Variants in SSH2 observed in about 807,000 individuals in gnomAD.
SSH2 encodes the protein slingshot protein phosphatase 2, also known as protein phosphatase Slingshot homolog 2.
In SSH2, 37 loss-of-function variants were observed where a neutral mutation model predicts 135.2. The observed-to-expected ratio is 0.27, with a 90% confidence interval of 0.21 to 0.36. SSH2 has a LOEUF of 0.36. Ranked by LOEUF, SSH2 falls within the 10% of genes least tolerant of loss-of-function variation. The pLI, the probability that SSH2 is intolerant of heterozygous loss-of-function variation, is 1.00. For missense variants in SSH2, 1,408 were observed against 1,765.3 expected, an observed-to-expected ratio of 0.80 and a Z score of 3.63; for synonymous variants, 628 against 646.2, an observed-to-expected ratio of 0.97 and a Z score of 0.43.
chr17:29,642,617 A>C (rs2036210659), intron 14 of SSH2, among the ~76,000 whole-genome samples: 1 of 151,756 alleles, frequency 6.6e-6, no homozygotes, highest in Admixed American at 6.6e-5. Flanking sequence ...CTATAAAAAC[A>C]GAAAAAATAA....
At chr17:29,735,260 A>G (rs889928764) in intron 3 of SSH2, among the ~76,000 whole-genome samples, 2 of 152,154 alleles carry the variant, frequency 1.3e-5, no homozygotes, top group African/African-American at 2.4e-5. Context: ...ACTACCCCTC[A>G]CTTTTTAATA....
At chr17:29,878,403 G>C (rs960250360) in intron 1 of SSH2, among the ~76,000 whole-genome samples, 2 of 152,072 alleles carry the variant, frequency 1.3e-5, no homozygotes, top group Admixed American at 1.3e-4. Context: ...CTCCAGCCTG[G>C]GTAACAGGAG....
rs573222111 is a variant in SSH2 at position 29,805,043 on chromosome 17, G to T, written c.145-11106C>A. 2.0e-3 allele frequency among the ~76,000 whole-genome samples: 303 copies of T among 151,598 alleles called. 4 individuals are homozygous for T. The South Asian group carries it at 0.025, about 12-fold the overall frequency. The stretch of plus-strand genomic sequence containing the variant: ...GTTCTGAACCTGTCACATCTGACAG[G>T]CATGCAATATGGAAACTTCACAAGT... On this transcript the variant is annotated intron_variant, in intron 2 of 15. Coordinates refer to ENST00000540801, the MANE Select transcript of SSH2 (RefSeq NM_001282129.2).
chr17:29,877,926 A>G (rs2066064959), intron 1 of SSH2, among the ~76,000 whole-genome samples: 1 of 152,000 alleles, frequency 6.6e-6, no homozygotes, highest in African/African-American at 2.4e-5. Flanking sequence ...CTACAAAAAA[A>G]ATTAAAAAAT....
At chr17:29,860,707 C>T (rs1457617861) in intron 1 of SSH2, among the ~76,000 whole-genome samples, 2 of 151,334 alleles carry the variant, frequency 1.3e-5, no homozygotes, top group Non-Finnish European at 2.9e-5. Context: ...GCTGGGATTA[C>T]AGGCATGAGC....
At chr17:29,706,946 G>A (rs1044333761) in intron 3 of SSH2, 2 of 152,198 alleles carry the variant, frequency 1.3e-5, no homozygotes, top group Non-Finnish European at 2.9e-5. Flanking sequence ...GAGGTCAGGA[G>A]ATCGAGACCA....
chr17:29,828,225 C>T (rs551806031), intron 2 of SSH2, among the ~76,000 whole-genome samples: 1 of 152,338 alleles, frequency 6.6e-6, no homozygotes, highest in African/African-American at 2.4e-5. Context: ...ATTGACTACA[C>T]AAGAAACTTT....
intron 3 of SSH2, among the ~76,000 whole-genome samples, chr17:29,709,015 TAGAGAGAG>T (rs58190730): frequency 1.1e-3 from 88 of 81,586 alleles, no homozygotes; most frequent in African/African-American, 1.6e-3. Context: ...TATATATATA[TAGAGAGAG>T]AGAGAGAGAG....
intron 9 of SSH2, among the ~76,000 whole-genome samples, chr17:29,668,026 A>C (rs1193092185): frequency 6.6e-6 from 1 of 152,254 alleles, no homozygotes; most frequent in Non-Finnish European, 1.5e-5. Flanking sequence ...CAGATTATGC[A>C]GAATTTGAAT....
intron 3 of SSH2, among the ~76,000 whole-genome samples, chr17:29,704,602 G>T (rs761944505): frequency 6.0e-5 from 9 of 151,246 alleles, no homozygotes; most frequent in Non-Finnish European, 1.3e-4. Flanking sequence ...ATTCAGGAGG[G>T]TGAGGTGGGA....
chr17:29,673,895 C>T, intron 8 of SSH2: 2 of 327,996 alleles, frequency 6.1e-6, no homozygotes, highest in Non-Finnish European at 1.2e-5. Context: ...TATAGATGTA[C>T]CATAATTTAC....
At chr17:29,643,394 G>T in intron 14 of SSH2, 1 of 382,498 alleles carries the variant, frequency 2.6e-6, no homozygotes, top group Non-Finnish European at 3.6e-6. Flanking sequence ...CCTAGATCCA[G>T]AGGATAAATG....
intron 2 of SSH2, among the ~76,000 whole-genome samples, chr17:29,801,601 C>T (rs1054255316): frequency 6.6e-6 from 1 of 152,192 alleles, no homozygotes; most frequent in East Asian, 1.9e-4. Context: ...CCAAACCTAA[C>T]GGTTGCTGTG....
intron 13 of SSH2, 24 bp from the exon 14 acceptor site, chr17:29,648,368 G>C (rs752401742): frequency 6.4e-7 from 1 of 1,570,498 alleles, no homozygotes; most frequent in Non-Finnish European, 8.7e-7. Flanking sequence ...TTGAGGTAAA[G>C]AATAGAGGAA....
At position 29,631,241 on chromosome 17, in the gene SSH2, G is replaced by C. The variant is rs747716840; in HGVS notation, c.3953C>G (p.Pro1318Arg). 6 of 1,613,958 alleles carry C rather than the reference G, an allele frequency of 3.7e-6. No individual in the cohort carries two copies. The South Asian group carries it at 5.5e-5, about 15-fold the overall frequency. The part of the protein sequence containing the change: ...CESPHLKLLQ[P>R]FLRTDSGMHA... ...CATGCCTGAGTCTGTTCTGAGGAAA[G>C]GCTGAAGCAGTTTGAGATGAGGGGA... Residue 1318 changes from proline to arginine, a missense_variant, in exon 16 of 16, where the codon CCT (proline) becomes CGT (arginine). By Grantham distance (103) the Pro-to-Arg change is moderately radical. Around this residue, in one of 3 missense-constraint regions of SSH2, gnomAD observed 1,080 missense variants for 1,144.5 expected, o/e 0.94. Transcript: ENST00000540801.
At chr17:29,703,378 A>T (rs1373728008) in intron 3 of SSH2, among the ~76,000 whole-genome samples, 1 of 150,630 alleles carries the variant, frequency 6.6e-6, no homozygotes, top group Non-Finnish European at 1.5e-5. Context: ...CCTCCCGAGT[A>T]GGCTGGGATT....
intron 2 of SSH2, among the ~76,000 whole-genome samples, chr17:29,823,700 G>A (rs1294792730): frequency 6.6e-6 from 1 of 151,974 alleles, no homozygotes; most frequent in Non-Finnish European, 1.5e-5. Flanking sequence ...CCAACATGGC[G>A]AAACCCCATT....
At position 29,702,359 on chromosome 17, in the gene SSH2, A is replaced by G. The variant is rs933701749; in HGVS notation, c.292+600T>C. Among the ~76,000 whole-genome samples, 77 of 151,912 alleles carry G rather than the reference A, an allele frequency of 5.1e-4. 1 individual carries two copies. Among genetic ancestry groups the G allele is most frequent in the African/African-American group, 1.8e-3 (75 of 41,454 alleles). On this transcript the variant is annotated intron_variant, in intron 4 of 15. Coordinates refer to ENST00000540801, the MANE Select transcript of SSH2 (RefSeq NM_001282129.2). ...CAGAGTGAGAGTCTGTCTCAAAAAA[A>G]AAAAAACAACCCTGGCCGGGCGTGG...
chr17:29,892,866 T>C (rs1163418387), intron 1 of SSH2, among the ~76,000 whole-genome samples: 1 of 152,050 alleles, frequency 6.6e-6, no homozygotes. Flanking sequence ...TCTTTCCTAA[T>C]GATCACTTCC....
Sources: gnomAD v4.1 joint callset for allele counts (sites outside exome capture counted in the v4.1 genomes callset) on GRCh38, gnomAD v4.1.1 for gene constraint, gnomAD v4.1.1 regional missense constraint, MANE v1.5 for transcripts, NCBI Gene and HGNC (gene_info 2026-07-23, HGNC 2026-07-21) for gene names.